The following NFASC variants were observed in gnomAD, a reference collection of about 807,000 sequenced individuals.
NFASC encodes neurofascin.
NFASC carries 43 observed loss-of-function variants against 147.5 expected under a neutral mutation model. The observed-to-expected ratio is 0.29, with a 90% CI of 0.23 to 0.38. The LOEUF (loss-of-function observed/expected upper bound fraction) is 0.38. NFASC is among the 10% of genes least tolerant of loss of function. The pLI, the probability that NFASC is intolerant of heterozygous loss-of-function variation, is 1.00. For missense variants in NFASC, 1,320 were observed against 1,689.0 expected, an observed-to-expected ratio of 0.78 and a Z score of 3.83; for synonymous variants, 622 against 665.5, an observed-to-expected ratio of 0.93 and a Z score of 1.01.
chr1:205,013,104 C>T (rs7549951), intron 29 of NFASC, among the ~76,000 whole-genome samples: 12,833 of 152,268 alleles, frequency 0.084, 830 homozygotes, highest in Middle Eastern at 0.2. Context: ...AGTCACTGCC[C>T]GACACATGCG....
chr1:204,828,736 G>A lies in NFASC; in HGVS notation c.-246G>A. On this transcript the variant is annotated 5_prime_UTR_variant, in exon 1 of 30. Transcript: ENST00000339876. ...CGCGGGGGAAGTGGCGGCGCCGGCA[G>A]CGGACAGCTCGGACAGCGCCCAGGG... 2 of 985,976 alleles carry A rather than the reference G, an allele frequency of 2.0e-6. No homozygotes were observed. Among genetic ancestry groups the A allele is most frequent in the Non-Finnish European group, 2.4e-6 (2 of 830,456 alleles). The allele number at this position is 985,976 out of a possible 1,614,324, so 61.1% of individuals were successfully genotyped here.
At chr1:204,971,999 T>A (rs11240320) in intron 11 of NFASC, among the ~76,000 whole-genome samples, 8,541 of 152,236 alleles carry the variant, frequency 0.056, 646 homozygotes, top group African/African-American at 0.18. Context: ...ACTGGGGGGA[T>A]TATTGGTTGC....
chr1:204,912,736 G>T (rs986287518), intron 1 of NFASC, among the ~76,000 whole-genome samples: 3 of 149,868 alleles, frequency 2.0e-5, no homozygotes, highest in Non-Finnish European at 4.4e-5. Flanking sequence ...AAAAAATTGT[G>T]GTCTAGGCAC....
chr1:204,931,980 A>G (rs993495943), intron 2 of NFASC, among the ~76,000 whole-genome samples: 3 of 152,154 alleles, frequency 2.0e-5, no homozygotes, highest in African/African-American at 7.2e-5. Context: ...GGAATCTGGA[A>G]GAAGGCAAGT....
intron 2 of NFASC, among the ~76,000 whole-genome samples, chr1:204,925,766 T>C (rs2091386274): frequency 1.3e-5 from 2 of 152,144 alleles, no homozygotes. Flanking sequence ...ATCCACCCAA[T>C]AGAGGACAGA....
chr1:204,997,406 G>A lies in NFASC; in HGVS notation c.3019G>A (p.Ala1007Thr), dbSNP rs757521549. ...TTSGTKIHES[A>T]PDEQSIWNVT... Reference sequence around the variant, plus strand: ...CTCCGGGACTAAGATACACGAATCCGGTACTGCGCATCGCCCATGCTCCCC... The same window carrying A: ...CTCCGGGACTAAGATACACGAATCCAGTACTGCGCATCGCCCATGCTCCCC... The change falls in exon 25 of 30, where the codon GCC becomes ACC. Residue 1007 changes from alanine to threonine, a missense_variant and splice_region_variant. Around this residue, in one of 3 missense-constraint regions of NFASC, gnomAD observed 172 missense variants for 165.8 expected, o/e 1.04. Transcript: ENST00000339876. The A allele has an allele frequency of 4.2e-5, 65 of 1,551,862 alleles. 1 individual carries two copies. Among genetic ancestry groups the A allele is most frequent in the East Asian group, 7.3e-5 (3 of 40,904 alleles).
At chr1:204,944,024 C>T (rs987854859) in intron 2 of NFASC, among the ~76,000 whole-genome samples, 12 of 152,174 alleles carry the variant, frequency 7.9e-5, no homozygotes, top group African/African-American at 2.9e-4. Flanking sequence ...TGCTAAACAT[C>T]TTACAATACC....
intron 1 of NFASC, among the ~76,000 whole-genome samples, chr1:204,829,514 G>C (rs926585552): frequency 1.3e-5 from 2 of 152,102 alleles, no homozygotes; most frequent in Non-Finnish European, 2.9e-5. Flanking sequence ...TGGGGATCTT[G>C]GTTGTGGAAT....
chr1:204,900,202 G>C (rs2084257762), intron 1 of NFASC, among the ~76,000 whole-genome samples: 1 of 152,186 alleles, frequency 6.6e-6, no homozygotes, highest in African/African-American at 2.4e-5. Flanking sequence ...CTGTTTGAGA[G>C]CCTGAGCAGT....
At chr1:204,985,752 A>T (rs2095603083) in intron 21 of NFASC, among the ~76,000 whole-genome samples, 1 of 152,276 alleles carries the variant, frequency 6.6e-6, no homozygotes, top group African/African-American at 2.4e-5. Flanking sequence ...ATGAGCGGGG[A>T]TTAAAAGGCT....
In NFASC at chr1:205,020,352, C is replaced by T. The variant is rs1324515631; in HGVS notation, c.*3813C>T. ...CGCATGCTCACATACATACAGCAGA[C>T]CACAACCCTGTTGCCAAGCAGTGCT... On this transcript the variant is annotated 3_prime_UTR_variant, in exon 30 of 30. Transcript: ENST00000339876. 1 of 152,358 alleles carries T rather than the reference C, an allele frequency of 6.6e-6. No individual in the cohort carries two copies. Among genetic ancestry groups the T allele is most frequent in the Non-Finnish European group, 1.5e-5 (1 of 68,062 alleles). The allele number at this position is 152,358 out of a possible 1,614,324, so 9.4% of individuals were successfully genotyped here. A position where few individuals can be genotyped will look rare whatever the true frequency, so the allele number is the denominator to read the frequency against.
intron 1 of NFASC, among the ~76,000 whole-genome samples, chr1:204,889,597 A>G (rs1459299044): frequency 6.6e-6 from 1 of 152,200 alleles, no homozygotes; most frequent in South Asian, 2.1e-4. Flanking sequence ...ACACTGGTGA[A>G]TATCTTCTCA....
intron 1 of NFASC, among the ~76,000 whole-genome samples, chr1:204,876,808 C>A (rs571969828): frequency 8.6e-5 from 13 of 151,500 alleles, no homozygotes; most frequent in Non-Finnish European, 1.8e-4. Flanking sequence ...GAATAATATT[C>A]TATTGTATGT....
At chr1:204,829,214 C>T (rs1361228800) in intron 1 of NFASC, among the ~76,000 whole-genome samples, 1 of 150,454 alleles carries the variant, frequency 6.6e-6, no homozygotes, top group African/African-American at 2.5e-5. Flanking sequence ...CCCCTATTCT[C>T]TTCCCCATCT....
chr1:204,867,108 C>G (rs1234980421), intron 1 of NFASC, among the ~76,000 whole-genome samples: 3 of 152,168 alleles, frequency 2.0e-5, no homozygotes, highest in African/African-American at 7.2e-5. Flanking sequence ...TTACTGAATG[C>G]TGACAAGGGG....
At chr1:204,929,162 C>T (rs550411956) in intron 2 of NFASC, among the ~76,000 whole-genome samples, 1 of 152,048 alleles carries the variant, frequency 6.6e-6, no homozygotes, top group Non-Finnish European at 1.5e-5. Context: ...TTCCCTCCCC[C>T]ATCCCCCTGA....
At chr1:204,890,395 A>G (rs2082143976) in intron 1 of NFASC, among the ~76,000 whole-genome samples, 1 of 152,198 alleles carries the variant, frequency 6.6e-6, no homozygotes, top group South Asian at 2.1e-4. Context: ...CCTGGGGGCA[A>G]CCAACCCCAT....
At chr1:204,839,948 T>C (rs1293696205) in intron 1 of NFASC, among the ~76,000 whole-genome samples, 1 of 152,132 alleles carries the variant, frequency 6.6e-6, no homozygotes, top group Non-Finnish European at 1.5e-5. Flanking sequence ...TCTACTGTCT[T>C]GGGGTGTGCC....
At chr1:204,861,827 T>G (rs1416643316) in intron 1 of NFASC, among the ~76,000 whole-genome samples, 1 of 152,212 alleles carries the variant, frequency 6.6e-6, no homozygotes, top group Non-Finnish European at 1.5e-5. Flanking sequence ...TGTGTCTTCT[T>G]TTGAGCGAGT....
Sources: allele counts gnomAD v4.1 joint callset (sites outside exome capture counted in the v4.1 genomes callset), GRCh38; gene constraint gnomAD v4.1.1; regional missense constraint gnomAD v4.1.1; transcripts MANE v1.5; gene names NCBI Gene and HGNC (gene_info 2026-07-23, HGNC 2026-07-21).